Variants in PALMD observed in about 807,000 individuals in gnomAD.
PALMD encodes the protein paralemmin-like protein.
Under a neutral mutation model 56.2 loss-of-function variants are expected in PALMD, and 42 were observed. The ratio of observed to expected loss-of-function variants is 0.75; its 90% CI spans 0.58 to 0.97. The LOEUF is 0.97. PALMD is among the 50% of genes least tolerant of loss of function. The pLI is 0.00. For synonymous variants in PALMD, 242 were observed against 222.9 expected, an observed-to-expected ratio of 1.09 and a Z score of -0.76; for missense variants, 660 against 643.8, an observed-to-expected ratio of 1.03 and a Z score of -0.27.
chr1:99,676,626 C>A (rs556396511), intron 3 of PALMD, among the ~76,000 whole-genome samples: 1 of 152,104 alleles, frequency 6.6e-6, no homozygotes, highest in African/African-American at 2.4e-5. Context: ...CCCACTTATA[C>A]GTTAGAACAC....
Position 99,667,758 on chromosome 1 carries a change from T to C in PALMD, c.243T>C (p.Ser81=). The part of the protein sequence containing the change: ...DQHQIQVLEQ[S]ILRLEKEIQD... ...ACCAGATCCAGGTTCTAGAACAAAG[T>C]ATCCTCAGGTATGGCCCTCACTGAG... Residue 81 remains serine (S), a synonymous_variant, in exon 3 of 8, where the codon AGT becomes AGC. Transcript: ENST00000263174. 6.2e-7 allele frequency: 1 copy of C among 1,613,496 alleles called. No homozygotes were observed. The highest frequency in any genetic ancestry group is 8.5e-7 in the Non-Finnish European group (1 of 1,179,524).
intron 1 of PALMD, among the ~76,000 whole-genome samples, chr1:99,646,765 T>A (rs994031755): frequency 6.6e-6 from 1 of 152,098 alleles, no homozygotes; most frequent in Non-Finnish European, 1.5e-5. Flanking sequence ...AAAGTTAGAA[T>A]TTTTTTTAAA....
At chr1:99,675,271 C>A (rs1383440872) in intron 3 of PALMD, among the ~76,000 whole-genome samples, 1 of 152,014 alleles carries the variant, frequency 6.6e-6, no homozygotes, top group East Asian at 1.9e-4. Context: ...AGGCACAAAG[C>A]CAGGAATTAT....
chr1:99,658,030 G>A (rs772746834), intron 1 of PALMD, among the ~76,000 whole-genome samples: 10 of 152,230 alleles, frequency 6.6e-5, no homozygotes, highest in Non-Finnish European at 1.3e-4. Context: ...GGCTGGCACA[G>A]TGGCTCAAGC....
At chr1:99,653,782 A>C (rs910380349) in intron 1 of PALMD, among the ~76,000 whole-genome samples, 1 of 152,102 alleles carries the variant, frequency 6.6e-6, no homozygotes, top group Admixed American at 6.6e-5. Context: ...CTGTGTTAAG[A>C]GTTCTGACAT....
chr1:99,651,207 G>C (rs561146377), intron 1 of PALMD, among the ~76,000 whole-genome samples: 2 of 152,184 alleles, frequency 1.3e-5, no homozygotes, highest in African/African-American at 4.8e-5. Context: ...AGAGGGAAAG[G>C]TTTCTTCAAA....
In PALMD at chr1:99,686,759, C is replaced by A; in HGVS notation, c.335C>A (p.Ser112Ter). 6.2e-7 allele frequency: 1 copy of A among 1,600,266 alleles called. No individual in the cohort carries two copies. The highest frequency in any genetic ancestry group is 8.6e-7 in the Non-Finnish European group (1 of 1,168,644). ...GAGGCCATTTTAAAGAAACTAAAGT[C>A]AATTGAGCGGACAACAGAAGACATT... ...KEEAILKKLK[S>*]IERTTEDIIR... is the part of the protein sequence containing the mutation. Residue 112 changes from serine (S) to a stop codon, truncating the protein, a stop_gained, in exon 4 of 8, where the codon TCA becomes TAA. Coordinates refer to ENST00000263174, the MANE Select transcript of PALMD (RefSeq NM_017734.5). LOFTEE classifies it high-confidence loss of function.
At position 99,662,403 on chromosome 1, in the gene PALMD, AT is replaced by A; in HGVS notation, c.126+7del. On this transcript the variant is annotated splice_donor_5th_base_variant and intron_variant, in intron 2 of 7. Transcript: ENST00000263174. ...ACTAAAGCACCAGCATTTGAAGGTAATTTATGGCTTTAATTTCATTTCAATG... is the reference window on the plus strand; with the variant it reads ...ACTAAAGCACCAGCATTTGAAGGTAATTATGGCTTTAATTTCATTTCAATG... 7.0e-7 allele frequency: 1 copy of A among 1,434,380 alleles called. No homozygotes were observed. Among genetic ancestry groups the A allele is most frequent in the Non-Finnish European group, 9.7e-7 (1 of 1,029,544 alleles). 88.9% of individuals were successfully genotyped at this position (1,434,380 alleles called of 1,614,324 possible).
chr1:99,648,980 A>T (rs1426255714), intron 1 of PALMD, among the ~76,000 whole-genome samples: 1 of 151,988 alleles, frequency 6.6e-6, no homozygotes, highest in Non-Finnish European at 1.5e-5. Flanking sequence ...TCGTGATGCC[A>T]TTCATTTCTC....
intron 1 of PALMD, among the ~76,000 whole-genome samples, chr1:99,651,186 G>A (rs1005129585): frequency 3.3e-5 from 5 of 152,174 alleles, no homozygotes; most frequent in Non-Finnish European, 7.3e-5. Flanking sequence ...AAGATTACAT[G>A]TTTCTTCCAG....
intron 3 of PALMD, among the ~76,000 whole-genome samples, chr1:99,682,170 C>G (rs1198293828): frequency 6.6e-6 from 1 of 152,052 alleles, no homozygotes; most frequent in Admixed American, 6.6e-5. Flanking sequence ...TTTATATTGT[C>G]CATAAATATT....
chr1:99,649,318 C>G (rs1183578496), intron 1 of PALMD, among the ~76,000 whole-genome samples: 1 of 152,110 alleles, frequency 6.6e-6, no homozygotes, highest in African/African-American at 2.4e-5. Context: ...TCTTGAGGCC[C>G]TTTTCAAGTC....
At chr1:99,686,544 A>G (rs894535465) in intron 3 of PALMD, 132 bp from the exon 4 acceptor site, 1 of 561,226 alleles carries the variant, frequency 1.8e-6, no homozygotes, top group Admixed American at 3.6e-5. Context: ...TAAGTGTGAC[A>G]TTATATTCTT....
chr1:99,649,464 A>G (rs1362760616), intron 1 of PALMD, among the ~76,000 whole-genome samples: 2 of 152,194 alleles, frequency 1.3e-5, no homozygotes, highest in Admixed American at 6.5e-5. Flanking sequence ...TGACTCCAGC[A>G]TTCTCGAGAA....
chr1:99,662,013 C>T (rs1349201635), intron 1 of PALMD, among the ~76,000 whole-genome samples: 3 of 152,172 alleles, frequency 2.0e-5, no homozygotes, highest in Non-Finnish European at 4.4e-5. Flanking sequence ...TTACAATTCA[C>T]TTTTTCTATT....
rs1653596505 is a variant in PALMD, at chr1:99,689,144, G to C, written c.884G>C (p.Gly295Ala). 1 of 1,613,490 alleles carries C rather than the reference G, an allele frequency of 6.2e-7. No individual in the cohort carries two copies. Among genetic ancestry groups the C allele is most frequent in the African/African-American group, 1.3e-5 (1 of 74,822 alleles). The stretch of plus-strand genomic sequence containing the variant: ...ATAAAGATTAAAACTAATGGACTGG[G>C]TATTGGTGTAAATGAATCCATACAC... ...ERIKIKTNGL[G>A]IGVNESIHNM... The change falls in exon 7 of 8, where the codon GGT (glycine) becomes GCT (alanine). Residue 295 changes from glycine to alanine, a missense_variant. Gly to Ala is a moderately conservative substitution (Grantham distance 60). Coordinates refer to ENST00000263174, the MANE Select transcript of PALMD (RefSeq NM_017734.5).
chr1:99,654,517 G>A (rs1219996608), intron 1 of PALMD, among the ~76,000 whole-genome samples: 1 of 152,040 alleles, frequency 6.6e-6, no homozygotes, highest in African/African-American at 2.4e-5. Flanking sequence ...TGAAAGTGCA[G>A]TTTTAAAACA....
chr1:99,672,397 A>G (rs1267446352), intron 3 of PALMD, among the ~76,000 whole-genome samples: 1 of 152,110 alleles, frequency 6.6e-6, no homozygotes, highest in Non-Finnish European at 1.5e-5. Context: ...CGACCACTGA[A>G]CCATTTACTG....
intron 1 of PALMD, among the ~76,000 whole-genome samples, chr1:99,647,447 C>T (rs895196831): frequency 6.6e-6 from 1 of 152,164 alleles, no homozygotes; most frequent in Non-Finnish European, 1.5e-5. Context: ...ATTGAAATGT[C>T]TTCTTAGCCA....
Sources: allele counts gnomAD v4.1 joint callset (sites outside exome capture counted in the v4.1 genomes callset), GRCh38; gene constraint gnomAD v4.1.1; transcripts MANE v1.5; gene names NCBI Gene and HGNC (gene_info 2026-07-23, HGNC 2026-07-21).